ZKSCAN2: variants seen among roughly 807,000 people sequenced by gnomAD.
The protein encoded by ZKSCAN2 is zinc finger protein with KRAB and SCAN domains 2.
In ZKSCAN2, 38 loss-of-function variants were observed where a neutral mutation model predicts 90.5. That is an observed-to-expected ratio of 0.42 (90% confidence interval 0.32 to 0.55). The LOEUF (loss-of-function observed/expected upper bound fraction) is 0.55, where lower values mean the gene tolerates loss of function less well. Among genes scored for constraint, ZKSCAN2 ranks in the 20% least tolerant of loss-of-function variants. The probability of loss-of-function intolerance (pLI) is 0.11; values close to 1 mark genes in which losing one functional copy is unlikely to be tolerated. For synonymous variants in ZKSCAN2, 429 were observed against 421.6 expected (o/e 1.02, Z -0.22); for missense variants, 1,167 against 1,202.6 (o/e 0.97, Z 0.44).
In ZKSCAN2 at chr16:25,255,347, C is replaced by T. The variant is rs755207927; in HGVS notation, c.445G>A (p.Ala149Thr). ...GGCTGGAAGTCTGCCACCTCCCACG[C>T]TGCTCCAAGTGGGGAGTGCTTCTCC... ...HREKHSPLGA[A>T]WEVADFQPEQ... The change falls in exon 2 of 7, where the codon GCG becomes ACG. Residue 149 changes from alanine to threonine, a missense_variant. By Grantham distance (58) the Ala-to-Thr change is moderately conservative (BLOSUM62 0). Coordinates refer to ENST00000328086, the MANE Select transcript of ZKSCAN2 (RefSeq NM_001012981.5). The T allele has an allele frequency of 2.5e-6, 4 of 1,613,318 alleles. No homozygotes were observed. Among genetic ancestry groups the T allele is most frequent in the Non-Finnish European group, 3.4e-6 (4 of 1,179,968 alleles).
chr16:25,240,306 C>T lies in ZKSCAN2; in HGVS notation c.2414G>A (p.Cys805Tyr). The T allele has an allele frequency of 6.2e-7, 1 of 1,614,104 alleles. No individual in the cohort carries two copies. The highest frequency in any genetic ancestry group is 8.5e-7 in the Non-Finnish European group (1 of 1,180,032). Residue 805 changes from cysteine (C) to tyrosine (Y), a missense_variant, in exon 7 of 7, where the codon TGT (cysteine) becomes TAT (tyrosine). Coordinates refer to ENST00000328086, the MANE Select transcript of ZKSCAN2 (RefSeq NM_001012981.5). Reference sequence around the variant, plus strand: ...ATTAAAGCTTTTTCCACAGTCAAGACATTTAAAAGGTTTTTCGCCTGTGTG... The same window carrying T: ...ATTAAAGCTTTTTCCACAGTCAAGATATTTAAAAGGTTTTTCGCCTGTGTG... ...RIHTGEKPFK[C>Y]LDCGKSFNDS... is the part of the protein sequence containing the mutation.
chr16:25,242,972 G>A (rs1314812501), intron 6 of ZKSCAN2, among the ~76,000 whole-genome samples: 1 of 152,250 alleles, frequency 6.6e-6, no homozygotes, highest in Admixed American at 6.5e-5. Context: ...AGATGGTGAA[G>A]TTAGTTTTGA....
At position 25,247,255 on chromosome 16, in the gene ZKSCAN2, A is replaced by G. The variant is rs1476449323; in HGVS notation, c.941T>C (p.Ile314Thr). ...TCCTGCACTCCTTGCAGGGACCTGAATAGCATGAACTGACTTTTCCTTGAC... is the reference window on the plus strand; with the variant it reads ...TCCTGCACTCCTTGCAGGGACCTGAGTAGCATGAACTGACTTTTCCTTGAC... Reference protein sequence around the residue: ...NYVKEKSVHAIQVPARSAGKT... With the variant: ...NYVKEKSVHATQVPARSAGKT... Residue 314 changes from isoleucine to threonine, a missense_variant, in exon 5 of 7, where the codon ATT becomes ACT. Ile to Thr is a moderately conservative substitution (Grantham distance 89). Transcript: ENST00000328086. 3.1e-6 allele frequency: 5 copies of G among 1,614,076 alleles called. No individual in the cohort carries two copies. The highest frequency in any genetic ancestry group is 4.2e-6 in the Non-Finnish European group (5 of 1,180,026).
At chr16:25,251,322 A>G (rs1475199336) in intron 4 of ZKSCAN2, among the ~76,000 whole-genome samples, 1 of 152,192 alleles carries the variant, frequency 6.6e-6, no homozygotes, top group Non-Finnish European at 1.5e-5. Context: ...CTACTTTTCT[A>G]TTACATGAAG....
Position 25,247,329 on chromosome 16 carries a change from A to C in ZKSCAN2, c.867T>G (p.Thr289=). 6.2e-7 allele frequency: 1 copy of C among 1,613,690 alleles called. No individual in the cohort carries two copies. Among genetic ancestry groups the C allele is most frequent in the South Asian group, 1.1e-5 (1 of 91,084 alleles). ...TCTTGTTAGAGGAATGCAGACCTAGAGTCCATGGCTCCTTTCTCTGTTCCA... is the reference window on the plus strand; with the variant it reads ...TCTTGTTAGAGGAATGCAGACCTAGCGTCCATGGCTCCTTTCTCTGTTCCA... ...TRLEQRKEPW[T]LGLHSSNKRS... Residue 289 remains threonine, a synonymous_variant, in exon 5 of 7, where the codon ACT becomes ACG. Transcript: ENST00000328086.
intron 5 of ZKSCAN2, among the ~76,000 whole-genome samples, chr16:25,245,345 C>T (rs749266453): frequency 3.1e-4 from 47 of 152,206 alleles, no homozygotes; most frequent in Non-Finnish European, 5.1e-4. Context: ...CTCAAGGGAT[C>T]CTCCCATCTC....
At chr16:25,248,642 G>A (rs115141154) in intron 4 of ZKSCAN2, among the ~76,000 whole-genome samples, 3,163 of 152,240 alleles carry the variant, frequency 0.021, 122 homozygotes, top group African/African-American at 0.072. Context: ...TCATCAATGA[G>A]ACAAAAATAA....
intron 5 of ZKSCAN2, among the ~76,000 whole-genome samples, chr16:25,245,423 G>A (rs1198282664): frequency 1.3e-5 from 2 of 152,146 alleles, no homozygotes; most frequent in South Asian, 2.1e-4. Context: ...TTTTGAATGG[G>A]TTTAGTCATG....
At chr16:25,253,578 T>C (rs1963053440) in intron 2 of ZKSCAN2, among the ~76,000 whole-genome samples, 1 of 152,178 alleles carries the variant, frequency 6.6e-6, no homozygotes, top group African/African-American at 2.4e-5. Flanking sequence ...GCTGGGTAAA[T>C]CAGACAGACT....
rs1220558046 is a variant in ZKSCAN2, at chr16:25,239,254, ACTT to A, written c.*559_*561del. The A allele has an allele frequency of 6.9e-6, 1 of 144,880 alleles. No homozygotes were observed. Among genetic ancestry groups the A allele is most frequent in the Admixed American group, 6.9e-5 (1 of 14,500 alleles). The allele number at this position is 144,880 out of a possible 1,614,324, so 9.0% of individuals were successfully genotyped here. A position where few individuals can be genotyped will look rare whatever the true frequency, so the allele number is the denominator to read the frequency against. The stretch of plus-strand genomic sequence containing the variant: ...GATTCTGCCCTAGCTATTTGGATCA[ACTT>A]CTTGACAAAAAAAAAAAAAAAGGTA... On this transcript the variant is annotated 3_prime_UTR_variant, in exon 7 of 7. Transcript: ENST00000328086.
intron 6 of ZKSCAN2, 102 bp from the exon 7 acceptor site, chr16:25,240,840 T>A: frequency 1.2e-6 from 1 of 861,798 alleles, no homozygotes; most frequent in Non-Finnish European, 1.8e-6. Flanking sequence ...TACACTTCTC[T>A]AACCTCAGAT....
intron 6 of ZKSCAN2, among the ~76,000 whole-genome samples, chr16:25,241,145 T>C (rs1208820690): frequency 6.6e-6 from 1 of 152,214 alleles, no homozygotes; most frequent in African/African-American, 2.4e-5. Flanking sequence ...AGGAACTAAA[T>C]TCCTCTACAT....
chr16:25,257,139 G>C lies in ZKSCAN2; in HGVS notation c.-12C>G, dbSNP rs1300591436. 3.8e-6 allele frequency: 6 copies of C among 1,577,394 alleles called. No homozygotes were observed. The South Asian group carries it at 7.0e-5, about 18-fold the overall frequency. On this transcript the variant is annotated 5_prime_UTR_variant, in exon 1 of 7. Coordinates refer to ENST00000328086, the MANE Select transcript of ZKSCAN2 (RefSeq NM_001012981.5). ...AGGGCGACAGCCATGCTGCAGCCCA[G>C]GGGTCAACTTCACGTCTAGCTCAAG...
rs757215750 is a variant in ZKSCAN2, at chr16:25,256,856, T to C, written c.272A>G (p.Glu91Gly). The change falls in exon 1 of 7, where the codon GAG becomes GGG. Residue 91 changes from glutamate (E) to glycine (G), a missense_variant. Glu to Gly is a moderately conservative substitution (Grantham distance 98, BLOSUM62 -2). Transcript: ENST00000328086. ...CTCGGGTAAAATGGTGAGAAACTGC[T>C]CAATCACCAGCAGCTCAAGTATTTG... ...KEQILELLVI[E>G]QFLTILPEKI... The C allele has an allele frequency of 6.2e-7, 1 of 1,614,222 alleles. No individual in the cohort carries two copies. Among genetic ancestry groups the C allele is most frequent in the Non-Finnish European group, 8.5e-7 (1 of 1,180,048 alleles).
intron 6 of ZKSCAN2, among the ~76,000 whole-genome samples, chr16:25,242,013 G>A (rs1962862650): frequency 6.6e-6 from 1 of 152,144 alleles, no homozygotes; most frequent in Non-Finnish European, 1.5e-5. Context: ...GGGATTACAG[G>A]TGCACACCAC....
rs1314627262 is a variant in ZKSCAN2 at position 25,240,363 on chromosome 16, C to T, written c.2357G>A (p.Arg786Lys). 1.2e-6 allele frequency: 2 copies of T among 1,614,152 alleles called. No homozygotes were observed. The highest frequency in any genetic ancestry group is 2.2e-5 in the East Asian group (1 of 44,888). ...KCGVCGKCFG[R>K]SRSLIRHQRI... ...TTGGTGTCTGATCAGGCTCCTGCTT[C>T]TACCAAAGCACTTCCCACAGACACC... The change falls in exon 7 of 7, where the codon AGA (arginine) becomes AAA (lysine). Residue 786 changes from arginine (R) to lysine (K), a missense_variant. Arg to Lys is a conservative substitution (Grantham distance 26, BLOSUM62 2). Coordinates refer to ENST00000328086, the MANE Select transcript of ZKSCAN2 (RefSeq NM_001012981.5).
chr16:25,249,915 C>T (rs1267215165), intron 4 of ZKSCAN2, among the ~76,000 whole-genome samples: 1 of 152,090 alleles, frequency 6.6e-6, no homozygotes, highest in Non-Finnish European at 1.5e-5. Context: ...GCATTATTCA[C>T]AATAGTCCAG....
Position 25,240,645 on chromosome 16 carries a change from CTT to C in ZKSCAN2, c.2073_2074del (p.Arg692SerfsTer29). 6.2e-7 allele frequency: 1 copy of C among 1,614,188 alleles called. No individual in the cohort carries two copies. Among genetic ancestry groups the C allele is most frequent in the Non-Finnish European group, 8.5e-7 (1 of 1,180,018 alleles). The stretch of plus-strand genomic sequence containing the variant: ...GGGGTCGGTACTCTGGGAAACAACT[CTT>C]TTAGACTTTTCTATTAATGCCCTAT... On this transcript the variant is annotated frameshift_variant, in exon 7 of 7. Coordinates refer to ENST00000328086, the MANE Select transcript of ZKSCAN2 (RefSeq NM_001012981.5). LOFTEE classifies it high-confidence loss of function.
chr16:25,246,377 G>T (rs556322212), intron 5 of ZKSCAN2: 1 of 298,536 alleles, frequency 3.3e-6, no homozygotes, highest in East Asian at 6.0e-5. Flanking sequence ...CAATACAATT[G>T]ATTGCTTTAT....
Sources: allele counts gnomAD v4.1 joint callset (sites outside exome capture counted in the v4.1 genomes callset), GRCh38; gene constraint gnomAD v4.1.1; transcripts MANE v1.5; gene names NCBI Gene and HGNC (gene_info 2026-07-23, HGNC 2026-07-21).